Variants in ARHGAP17 observed in about 807,000 individuals in gnomAD.
ARHGAP17 encodes the protein rho GTPase-activating protein 17.
A neutral mutation model predicts 99.5 loss-of-function variants in ARHGAP17; 57 were observed. The ratio of observed to expected loss-of-function variants is 0.57; its 90% CI spans 0.46 to 0.71. ARHGAP17 has a LOEUF of 0.71. Among genes scored for constraint, ARHGAP17 ranks in the 30% least tolerant of loss-of-function variants. The pLI, the probability that ARHGAP17 is intolerant of heterozygous loss-of-function variation, is 0.00. For synonymous variants in ARHGAP17, 417 were observed against 429.6 expected, an observed-to-expected ratio of 0.97 and a Z score of 0.36; for missense variants, 1,000 against 1,122.4, an observed-to-expected ratio of 0.89 and a Z score of 1.56.
In ARHGAP17 at chr16:24,920,249, T is replaced by C; in HGVS notation, c.2527A>G (p.Arg843Gly). ...ATGCTGCGATGCGGTTCTGAAACCCTGGAATTGGAGTCTGGACAAAAACAC... is the reference window on the plus strand; with the variant it reads ...ATGCTGCGATGCGGTTCTGAAACCCCGGAATTGGAGTCTGGACAAAAACAC... Reference protein sequence around the residue: ...ASKIVTDSNSRVSEPHRSIFP... With the variant: ...ASKIVTDSNSGVSEPHRSIFP... Residue 843 changes from arginine (R) to glycine (G), a missense_variant, in exon 20 of 20, where the codon AGG becomes GGG. Arg to Gly is a moderately radical substitution (Grantham distance 125, BLOSUM62 -2). Coordinates refer to ENST00000289968, the MANE Select transcript of ARHGAP17 (RefSeq NM_001006634.3). The C allele has an allele frequency of 6.2e-7, 1 of 1,613,862 alleles. No homozygotes were observed. The highest frequency in any genetic ancestry group is 2.2e-5 in the East Asian group (1 of 44,858).
chr16:25,004,099 C>T (rs2053445328), intron 1 of ARHGAP17, among the ~76,000 whole-genome samples: 1 of 152,092 alleles, frequency 6.6e-6, no homozygotes, highest in African/African-American at 2.4e-5. Context: ...CTATCTCTAC[C>T]CTTGGAATTC....
chr16:25,000,759 T>A (rs755724454), intron 1 of ARHGAP17, among the ~76,000 whole-genome samples: 1 of 152,236 alleles, frequency 6.6e-6, no homozygotes, highest in Non-Finnish European at 1.5e-5. Context: ...ATTTCTCAAC[T>A]TTCTCCTCCA....
chr16:24,989,025 T>C (rs2052955634), intron 1 of ARHGAP17, among the ~76,000 whole-genome samples: 1 of 152,244 alleles, frequency 6.6e-6, no homozygotes. Flanking sequence ...ATAGAGCTAC[T>C]GCCTAAGGGA....
rs756856208 is a variant in ARHGAP17 at position 24,946,402 on chromosome 16, C to T, written c.1241+1080G>A. 6.6e-5 allele frequency among the ~76,000 whole-genome samples: 10 copies of T among 151,662 alleles called. No homozygotes were observed. In the South Asian group the frequency reaches 1.3e-3, roughly 19 times the overall value. ...TTGGCCCATCCAGGTCCTGGCTGTA[C>T]GAAACTGTTAACTCATCAAGGTACA... On this transcript the variant is annotated intron_variant, in intron 14 of 19. Transcript: ENST00000289968.
intron 19 of ARHGAP17, among the ~76,000 whole-genome samples, chr16:24,926,342 C>T (rs1168736645): frequency 6.6e-6 from 1 of 152,012 alleles, no homozygotes; most frequent in African/African-American, 2.4e-5. Context: ...CTCACTGCGA[C>T]CTCCACCTCC....
intron 9 of ARHGAP17, among the ~76,000 whole-genome samples, chr16:24,958,328 T>C (rs2141261431): frequency 6.6e-6 from 1 of 152,326 alleles, no homozygotes; most frequent in Middle Eastern, 3.4e-3. Context: ...TCTCAGCCAT[T>C]CAAAGGCTAA....
Position 25,015,196 on chromosome 16 carries a change from C to G in ARHGAP17, c.53+13G>C. On this transcript the variant is annotated intron_variant, in intron 1 of 19. Transcript: ENST00000289968. ...AGCCCCGGTGCGACCCCCGTGCTGCCCGGCGCACTCGCCTGCCCACGGTCT... is the reference window on the plus strand; with the variant it reads ...AGCCCCGGTGCGACCCCCGTGCTGCGCGGCGCACTCGCCTGCCCACGGTCT... 7.6e-7 allele frequency: 1 copy of G among 1,317,298 alleles called. No homozygotes were observed. The highest frequency in any genetic ancestry group is 9.7e-7 in the Non-Finnish European group (1 of 1,026,756). 81.6% of individuals were successfully genotyped at this position (1,317,298 alleles called of 1,614,324 possible).
rs993937111 is a variant in ARHGAP17, at chr16:24,964,085, C to A, written c.573+112G>T. The A allele has an allele frequency of 2.2e-5, 15 of 674,844 alleles. No individual in the cohort carries two copies. The African/African-American group carries it at 2.2e-4, about 10-fold the overall frequency. The allele number at this position is 674,844 out of a possible 1,614,324, so 41.8% of individuals were successfully genotyped here. A position where few individuals can be genotyped will look rare whatever the true frequency, so the allele number is the denominator to read the frequency against. On this transcript the variant is annotated intron_variant, in intron 7 of 19. Coordinates refer to ENST00000289968, the MANE Select transcript of ARHGAP17 (RefSeq NM_001006634.3). ...AGAAAATAAAACCTACCTTTAAAAT[C>A]ATTCAAAATATTCTGATAGAAATTA...
intron 9 of ARHGAP17, among the ~76,000 whole-genome samples, chr16:24,958,977 CAG>C (rs2051896210): frequency 6.6e-6 from 1 of 151,126 alleles, no homozygotes; most frequent in African/African-American, 2.4e-5. Context: ...AATGGTAAAT[CAG>C]AGAGACACAG....
chr16:24,990,771 CTTTTT>C (rs11371621), intron 1 of ARHGAP17, among the ~76,000 whole-genome samples: 2 of 135,268 alleles, frequency 1.5e-5, no homozygotes, highest in African/African-American at 2.8e-5. Context: ...TGGGGCTTGG[CTTTTT>C]TTTTTTTTTT....
chr16:24,978,828 C>A, intron 2 of ARHGAP17, 138 bp downstream of exon 2: 1 of 664,868 alleles, frequency 1.5e-6, no homozygotes, highest in East Asian at 3.6e-5. Context: ...TTCTTTCCTG[C>A]TCAAAATCAC....
chr16:24,967,595 TGAGGCCA>T (rs2052226299), intron 6 of ARHGAP17, among the ~76,000 whole-genome samples: 2 of 151,964 alleles, frequency 1.3e-5, no homozygotes, highest in African/African-American at 4.8e-5. Context: ...GAGGATCACT[TGAGGCCA>T]GAAGTTCAAG....
chr16:24,991,871 A>G (rs145258062), intron 1 of ARHGAP17, among the ~76,000 whole-genome samples: 39 of 152,336 alleles, frequency 2.6e-4, no homozygotes, highest in African/African-American at 8.9e-4. Context: ...TCAGGAACTG[A>G]GAAAGAAAAA....
At chr16:24,989,552 A>C (rs186865040) in intron 1 of ARHGAP17, among the ~76,000 whole-genome samples, 30 of 152,080 alleles carry the variant, frequency 2.0e-4, no homozygotes, top group African/African-American at 7.2e-4. Context: ...GAAAACGGGA[A>C]TCTATAGAGG....
At chr16:24,950,427 C>G (rs2051600149) in intron 12 of ARHGAP17, among the ~76,000 whole-genome samples, 1 of 152,186 alleles carries the variant, frequency 6.6e-6, no homozygotes, top group Non-Finnish European at 1.5e-5. Flanking sequence ...ATACTGACAG[C>G]AGGCTGGGCC....
intron 1 of ARHGAP17, 97 bp downstream of exon 1, chr16:25,015,112 C>T: frequency 8.8e-7 from 1 of 1,138,954 alleles, no homozygotes; most frequent in Non-Finnish European, 1.1e-6. Flanking sequence ...CGGCCCAGCT[C>T]AGAGCCGCCG....
intron 1 of ARHGAP17, among the ~76,000 whole-genome samples, chr16:24,992,806 C>T (rs541578530): frequency 1.3e-5 from 2 of 151,990 alleles, no homozygotes; most frequent in Non-Finnish European, 2.9e-5. Context: ...TTTCTGTTAC[C>T]GTTTATTTAT....
chr16:24,968,622 C>G, intron 5 of ARHGAP17, 39 bp downstream of exon 5: 1 of 1,603,538 alleles, frequency 6.2e-7, no homozygotes, highest in Non-Finnish European at 8.5e-7. Flanking sequence ...CAGCCCACAC[C>G]ACTCTCGGCT....
intron 1 of ARHGAP17, among the ~76,000 whole-genome samples, chr16:24,997,615 A>G (rs1409304291): frequency 6.6e-6 from 1 of 152,178 alleles, no homozygotes; most frequent in Non-Finnish European, 1.5e-5. Context: ...GACAGCCCAC[A>G]CTAAATAGTG....
Sources: gnomAD v4.1 joint callset for allele counts (sites outside exome capture counted in the v4.1 genomes callset) on GRCh38, gnomAD v4.1.1 for gene constraint, MANE v1.5 for transcripts, NCBI Gene and HGNC (gene_info 2026-07-23, HGNC 2026-07-21) for gene names.